Variants in KIF26B observed in about 807,000 individuals in gnomAD.
The protein encoded by KIF26B is kinesin-like protein KIF26B.
KIF26B carries 63 observed loss-of-function variants against 151.2 expected under a neutral mutation model. The ratio of observed to expected loss-of-function variants is 0.42; its 90% CI spans 0.34 to 0.51. The LOEUF (loss-of-function observed/expected upper bound fraction) is 0.51. KIF26B is among the 20% of genes least tolerant of loss of function. The pLI, the probability that KIF26B is intolerant of heterozygous loss-of-function variation, is 0.07. For missense variants in KIF26B, 2,813 were observed against 2,913.6 expected (o/e 0.97, Z 0.79); for synonymous variants, 1,357 against 1,262.1 (o/e 1.08, Z -1.59).
chr1:245,609,462 G>C lies in KIF26B; in HGVS notation c.1848G>C (p.Thr616=). Residue 616 remains threonine (T), a synonymous_variant, in exon 8 of 15, where the codon ACG becomes ACC. Transcript: ENST00000407071. The part of the protein sequence containing the change: ...NLRDLLSEVA[T]GSLQDGQSPG... ...GGGACCTGCTGTCGGAGGTGGCCAC[G>C]GGCAGCCTGCAGGACGGCCAGTCCC... The C allele has an allele frequency of 6.2e-7, 1 of 1,603,950 alleles. No homozygotes were observed. Among genetic ancestry groups the C allele is most frequent in the Non-Finnish European group, 8.5e-7 (1 of 1,175,306 alleles).
At chr1:245,186,346 C>T (rs933143794) in intron 2 of KIF26B, among the ~76,000 whole-genome samples, 6 of 152,194 alleles carry the variant, frequency 3.9e-5, no homozygotes, top group Non-Finnish European at 8.8e-5. Flanking sequence ...ACCCTGCTTC[C>T]GTAACCTTGG....
chr1:245,607,665 A>C lies in KIF26B; in HGVS notation c.1572A>C (p.Ala524=). The C allele has an allele frequency of 5.0e-6, 8 of 1,611,488 alleles. No homozygotes were observed. Among genetic ancestry groups the C allele is most frequent in the Non-Finnish European group, 6.8e-6 (8 of 1,178,892 alleles). Residue 524 remains alanine, a synonymous_variant, in exon 7 of 15, where the codon GCA becomes GCC. Coordinates refer to ENST00000407071, the MANE Select transcript of KIF26B (RefSeq NM_018012.4). The part of the protein sequence containing the change: ...PQDASQAEVC[A]GTVAEVIQSV... ...GTGTCTGACAGGCTGAAGTGTGTGC[A>C]GGCACCGTGGCAGAGGTGATCCAGT...
At chr1:245,186,162 T>C (rs1668997391) in intron 2 of KIF26B, among the ~76,000 whole-genome samples, 2 of 152,082 alleles carry the variant, frequency 1.3e-5, no homozygotes, top group Admixed American at 1.3e-4. Flanking sequence ...CGTGGGCCAC[T>C]GCGCCTGGCC....
chr1:245,260,727 G>C (rs1422677060), intron 2 of KIF26B, among the ~76,000 whole-genome samples: 1 of 152,130 alleles, frequency 6.6e-6, no homozygotes, highest in East Asian at 1.9e-4. Flanking sequence ...TGTCTTAATT[G>C]TATTGGCATT....
intron 2 of KIF26B, among the ~76,000 whole-genome samples, chr1:245,162,375 C>CTTTTT (rs138853411): frequency 1.3e-4 from 10 of 76,532 alleles, no homozygotes; most frequent in African/African-American, 5.1e-4. Context: ...TCAGAAATAT[C>CTTTTT]TTTTTTTTTT....
At chr1:245,224,384 T>C (rs1669835594) in intron 2 of KIF26B, among the ~76,000 whole-genome samples, 1 of 152,182 alleles carries the variant, frequency 6.6e-6, no homozygotes, top group African/African-American at 2.4e-5. Flanking sequence ...GAAGGGCGTA[T>C]ACGCAGTTGT....
intron 9 of KIF26B, among the ~76,000 whole-genome samples, chr1:245,629,827 A>G (rs934589981): frequency 2.0e-5 from 3 of 152,208 alleles, no homozygotes; most frequent in Non-Finnish European, 2.9e-5. Flanking sequence ...AACGGGAGAA[A>G]GTTTTTGCAA....
chr1:245,273,904 G>A (rs1480969989), intron 2 of KIF26B, among the ~76,000 whole-genome samples: 1 of 152,044 alleles, frequency 6.6e-6, no homozygotes, highest in Non-Finnish European at 1.5e-5. Flanking sequence ...TTGCCATTTT[G>A]CTCATTGTTT....
chr1:245,190,233 A>G (rs1247038235), intron 2 of KIF26B, among the ~76,000 whole-genome samples: 1 of 152,196 alleles, frequency 6.6e-6, no homozygotes, highest in Non-Finnish European at 1.5e-5. Flanking sequence ...TTGGGAGGGG[A>G]CACAGCCAGA....
At position 245,390,930 on chromosome 1, in the gene KIF26B, A is replaced by AC. The variant is rs1434092342; in HGVS notation, c.999+23563_999+23564insC. Among the ~76,000 whole-genome samples the AC allele has an allele frequency of 3.4e-4, 48 of 140,082 alleles. 4 individuals are homozygous for AC. Among genetic ancestry groups the AC allele is most frequent in the African/African-American group, 1.3e-3 (47 of 36,868 alleles). 91.9% of individuals were successfully genotyped at this position (140,082 alleles called of 152,430 possible). Reference sequence around the variant, plus strand: ...TAACAAGACCCTGTCTCAAAAAAAAAAAAAAAAAAAAAAAAAAAAAAACCA... The same window carrying AC: ...TAACAAGACCCTGTCTCAAAAAAAAACAAAAAAAAAAAAAAAAAAAAAACCA... On this transcript the variant is annotated intron_variant, in intron 3 of 14. Coordinates refer to ENST00000407071, the MANE Select transcript of KIF26B (RefSeq NM_018012.4).
intron 4 of KIF26B, among the ~76,000 whole-genome samples, chr1:245,422,181 A>T (rs1043870265): frequency 4.6e-5 from 7 of 152,152 alleles, no homozygotes; most frequent in Admixed American, 6.5e-5. Flanking sequence ...TTGGAGCTTC[A>T]TGGTATAAGC....
intron 2 of KIF26B, among the ~76,000 whole-genome samples, chr1:245,279,360 T>G (rs1175304328): frequency 1.3e-5 from 2 of 149,920 alleles, no homozygotes; most frequent in Non-Finnish European, 3.0e-5. Flanking sequence ...CAGGCTGGAG[T>G]GCAGTGGTGC....
intron 2 of KIF26B, among the ~76,000 whole-genome samples, chr1:245,193,771 C>T (rs917522520): frequency 3.3e-5 from 5 of 152,190 alleles, no homozygotes; most frequent in African/African-American, 7.2e-5. Context: ...CAGAGCGTCC[C>T]TCCACTGCGC....
intron 2 of KIF26B, among the ~76,000 whole-genome samples, chr1:245,172,217 G>C (rs35332241): frequency 7.3e-6 from 1 of 136,058 alleles, no homozygotes. Flanking sequence ...CCAGTCTGGT[G>C]GGGGGGGTGG....
chr1:245,661,851 TAC>T (rs1429068507), intron 10 of KIF26B, among the ~76,000 whole-genome samples: 3 of 140,408 alleles, frequency 2.1e-5, no homozygotes, highest in Non-Finnish European at 4.7e-5. Context: ...TATATATATA[TAC>T]ACCCTATGAT....
chr1:245,344,892 G>A (rs1159097793), intron 2 of KIF26B, among the ~76,000 whole-genome samples: 1 of 152,026 alleles, frequency 6.6e-6, no homozygotes, highest in Non-Finnish European at 1.5e-5. Context: ...TGGAAAAACA[G>A]GTGATACCGC....
At chr1:245,327,553 A>G (rs979552298) in intron 2 of KIF26B, among the ~76,000 whole-genome samples, 2 of 152,212 alleles carry the variant, frequency 1.3e-5, no homozygotes, top group Non-Finnish European at 2.9e-5. Context: ...TCTGGGATCC[A>G]TGAGTCCTGA....
chr1:245,178,797 G>A (rs1425066643), intron 2 of KIF26B, among the ~76,000 whole-genome samples: 11 of 152,162 alleles, frequency 7.2e-5, no homozygotes, highest in South Asian at 2.1e-4. Context: ...TGGTGGTACC[G>A]CCTGTGACGT....
rs1668629052 is a variant in KIF26B, at chr1:245,167,142, A to G, written c.465+10459A>G. ...AGCTCTCCACACAGCATGGTTCTAA[A>G]ATCTTTGATGGTTCTTACGTGTAAA... On this transcript the variant is annotated intron_variant, in intron 2 of 14. Transcript: ENST00000407071. The surrounding 1 kb of genome is among the most constrained non-coding windows in gnomAD (Gnocchi z 4.2). Among the ~76,000 whole-genome samples, 1 of 151,884 alleles carries G rather than the reference A, an allele frequency of 6.6e-6. No individual in the cohort carries two copies. The highest frequency in any genetic ancestry group is 2.1e-4 in the South Asian group (1 of 4,828).
Sources: gnomAD v4.1 joint callset for allele counts (sites outside exome capture counted in the v4.1 genomes callset) on GRCh38, gnomAD v4.1.1 for gene constraint, Gnocchi (gnomAD v3.1) non-coding constraint, MANE v1.5 for transcripts, NCBI Gene and HGNC (gene_info 2026-07-23, HGNC 2026-07-21) for gene names.